NPHP4: variants seen among roughly 807,000 people sequenced by gnomAD.
The protein encoded by NPHP4 is nephrocystin-4.
In NPHP4, 151 loss-of-function variants were observed where a neutral mutation model predicts 155.8. The observed-to-expected ratio is 0.97, with a 90% CI of 0.85 to 1.11. The LOEUF is 1.11. NPHP4 is among the 50% of genes least tolerant of loss of function. NPHP4 has a pLI of 0.00. For missense variants in NPHP4, 1,956 were observed against 1,925.7 expected, an observed-to-expected ratio of 1.02 and a Z score of -0.29; for synonymous variants, 845 against 816.8, an observed-to-expected ratio of 1.03 and a Z score of -0.59.
intron 23 of NPHP4, among the ~76,000 whole-genome samples, chr1:5,869,695 T>C (rs1357659874): frequency 4.6e-5 from 7 of 152,226 alleles, no homozygotes; most frequent in African/African-American, 1.4e-4. Context: ...TTGGTACTGA[T>C]GTTTTGAAAT....
chr1:5,950,057 G>A (rs1050665253), intron 7 of NPHP4, among the ~76,000 whole-genome samples: 2 of 152,150 alleles, frequency 1.3e-5, no homozygotes, highest in Non-Finnish European at 2.9e-5. Flanking sequence ...CTCTCATGGA[G>A]GCAGATGTTT....
intron 3 of NPHP4, among the ~76,000 whole-genome samples, chr1:5,977,807 CACTTTACTAAATCTTAGTTTGTCTATA>C (rs1653913571): frequency 1.3e-5 from 1 of 77,160 alleles, no homozygotes; most frequent in East Asian, 3.6e-4. Context: ...CTGGGCAAGT[CACTTTACTAAATCTTAGTTTGTCTATA>C]CAGGAGGGAG....
chr1:5,941,289 C>CAAAAAAAAAAAAAAAAAAAAAAAAAAAA (rs66676950), intron 9 of NPHP4, among the ~76,000 whole-genome samples: 1 of 44,778 alleles, frequency 2.2e-5, no homozygotes, highest in Non-Finnish European at 3.7e-5. Context: ...GAGATCTAGA[C>CAAAAAAAAAAAAAAAAAAAAAAAAAAAA]AAAAAAAAAA....
At chr1:5,955,413 T>C (rs1227606834) in intron 6 of NPHP4, among the ~76,000 whole-genome samples, 1 of 152,212 alleles carries the variant, frequency 6.6e-6, no homozygotes, top group African/African-American at 2.4e-5. Flanking sequence ...GAAATCAGTA[T>C]GTCAAAGAGA....
Position 5,947,218 on chromosome 1 carries a change from T to C in NPHP4, c.1005A>G (p.Gln335=), listed in dbSNP as rs398124287. 6 of 1,613,646 alleles carry C rather than the reference T, an allele frequency of 3.7e-6. No individual in the cohort carries two copies. The African/African-American group carries it at 8.0e-5, about 22-fold the overall frequency. ...GGAGGCGGCTTCTCAAAACCAGAGC[T>C]TGGCTCCCGGAGCTGGGTCAGAAAC... ...VSSSKTSSGS[Q]ALVLRSRLRL... Residue 335 remains glutamine (Q), a synonymous_variant, in exon 9 of 30, where the codon CAA becomes CAG. Coordinates refer to ENST00000378156, the MANE Select transcript of NPHP4 (RefSeq NM_015102.5).
chr1:5,975,044 T>C (rs1653287089), intron 3 of NPHP4, among the ~76,000 whole-genome samples: 1 of 152,180 alleles, frequency 6.6e-6, no homozygotes, highest in Admixed American at 6.5e-5. Flanking sequence ...AAGGGTGTTT[T>C]ACGAACCTCT....
chr1:5,874,712 G>A (rs1191591855), intron 21 of NPHP4, 55 bp from the exon 22 acceptor site: 4 of 1,575,012 alleles, frequency 2.5e-6, no homozygotes, highest in South Asian at 2.3e-5. Flanking sequence ...GGACCCACAG[G>A]AGGCTGCGGT....
intron 10 of NPHP4, among the ~76,000 whole-genome samples, chr1:5,930,827 T>C (rs1646235986): frequency 1.3e-5 from 2 of 152,244 alleles, no homozygotes; most frequent in Non-Finnish European, 2.9e-5. Flanking sequence ...TCATTGCTGA[T>C]GGAATAGCTA....
rs1378656527 is a variant in NPHP4 at position 5,875,021 on chromosome 1, C to T, written c.2897G>A (p.Ser966Asn). The T allele has an allele frequency of 6.2e-7, 1 of 1,610,998 alleles. No homozygotes were observed. Among genetic ancestry groups the T allele is most frequent in the Non-Finnish European group, 8.5e-7 (1 of 1,179,872 alleles). ...AAYRERTKAESIASLLSLAIT... is the reference protein window; with the variant it reads ...AAYRERTKAENIASLLSLAIT... ...GGCCAGGCTCAGCAGGCTGGCGATG[C>T]TCTCGGCCTTCGTGCGTTCCCGGTA... is the stretch of plus-strand genomic sequence containing the variant. Residue 966 changes from serine to asparagine, a missense_variant, in exon 21 of 30, where the codon AGC (serine) becomes AAC (asparagine). By Grantham distance (46) the Ser-to-Asn change is conservative. Coordinates refer to ENST00000378156, the MANE Select transcript of NPHP4 (RefSeq NM_015102.5).
At chr1:5,973,549 T>C (rs1478587289) in intron 3 of NPHP4, among the ~76,000 whole-genome samples, 1 of 152,138 alleles carries the variant, frequency 6.6e-6, no homozygotes, top group Non-Finnish European at 1.5e-5. Context: ...ATCGCACCAT[T>C]GCACTCCAGC....
rs138092547 is a variant in NPHP4 at position 5,880,784 on chromosome 1, T to C, written c.2486-545A>G. Reference sequence around the variant, plus strand: ...CTCACGGCCGGTGGGTGTGGCACCCTACAAACTTGCAACTTGCAAACCTGA... The same window carrying C: ...CTCACGGCCGGTGGGTGTGGCACCCCACAAACTTGCAACTTGCAAACCTGA... On this transcript the variant is annotated intron_variant, in intron 18 of 29. Coordinates refer to ENST00000378156, the MANE Select transcript of NPHP4 (RefSeq NM_015102.5). 3.5e-3 allele frequency: 548 copies of C among 158,314 alleles called. 4 individuals carry two copies. Among genetic ancestry groups the C allele is most frequent in the African/African-American group, 0.013 (527 of 41,700 alleles). The allele number at this position is 158,314 out of a possible 1,614,324, so 9.8% of individuals were successfully genotyped here.
chr1:5,933,401 G>A (rs1295858233), intron 9 of NPHP4, 72 bp from the exon 10 acceptor site: 3 of 1,237,562 alleles, frequency 2.4e-6, no homozygotes, highest in Non-Finnish European at 3.5e-6. Flanking sequence ...AATCAACAGT[G>A]CTTTCATGTG....
rs915125531 is a variant in NPHP4, at chr1:5,867,623, G to A, written c.3472+117C>T. 4.7e-6 allele frequency: 5 copies of A among 1,062,386 alleles called. No homozygotes were observed. In the African/African-American group the frequency reaches 6.2e-5, roughly 13 times the overall value. 65.8% of individuals were successfully genotyped at this position (1,062,386 alleles called of 1,614,324 possible). A position where few individuals can be genotyped will look rare whatever the true frequency, so the allele number is the denominator to read the frequency against. ...AGAGAGAATTCCCCAGGCCCCACGT[G>A]CTGCTCTGACAGCACCAGGGCATGA... On this transcript the variant is annotated intron_variant, in intron 24 of 29. Transcript: ENST00000378156. This position sits in a 1 kb window ranked among gnomAD's most constrained non-coding sequence, Gnocchi z 4.1.
At chr1:5,906,850 T>C (rs1224329238) in intron 13 of NPHP4, among the ~76,000 whole-genome samples, 1 of 152,228 alleles carries the variant, frequency 6.6e-6, no homozygotes, top group Admixed American at 6.5e-5. Flanking sequence ...AGCTTAACTT[T>C]GTTTTCATGG....
rs116370911 is a variant in NPHP4, at chr1:5,977,909, G to A, written c.279+361C>T. Among the ~76,000 whole-genome samples the A allele has an allele frequency of 1.0e-2, 146 of 14,662 alleles. 1 individual carries two copies. The highest frequency in any genetic ancestry group is 0.021 in the Middle Eastern group (1 of 48). 9.6% of individuals were successfully genotyped at this position (14,662 alleles called of 152,430 possible). On this transcript the variant is annotated intron_variant, in intron 3 of 29. Transcript: ENST00000378156. ...GGGGGAGGGGAGGGGGAAGGAGAGG[G>A]GAGGGGAGAGGAGGAGAGGGAGCAG...
chr1:5,875,267 C>T (rs1021168703), intron 20 of NPHP4, among the ~76,000 whole-genome samples, 167 bp from the exon 21 acceptor site: 2 of 152,186 alleles, frequency 1.3e-5, no homozygotes, highest in Admixed American at 1.3e-4. Context: ...AACTGGCCGG[C>T]CCCGCCCAGG....
At chr1:5,934,895 G>A (rs189423634) in intron 9 of NPHP4, among the ~76,000 whole-genome samples, 27 of 152,278 alleles carry the variant, frequency 1.8e-4, no homozygotes, top group Non-Finnish European at 3.2e-4. Context: ...TGGTGGCCAG[G>A]GGTCCTAAGG....
chr1:5,877,180 G>A lies in NPHP4; in HGVS notation c.2730C>T (p.Ala910=). 1 of 1,605,194 alleles carries A rather than the reference G, an allele frequency of 6.2e-7. No homozygotes were observed. Among genetic ancestry groups the A allele is most frequent in the South Asian group, 1.1e-5 (1 of 89,590 alleles). Reference sequence around the variant, plus strand: ...TCCGCTCCAGCTTACGCCTGCGGGTGGCATCCGACTCGCGGCTGACGTCCT... The same window carrying A: ...TCCGCTCCAGCTTACGCCTGCGGGTAGCATCCGACTCGCGGCTGACGTCCT... ...GPQDVSRESD[A]TRRRKLERMR... Residue 910 remains alanine (A), a synonymous_variant, in exon 20 of 30, where the codon GCC becomes GCT. Coordinates refer to ENST00000378156, the MANE Select transcript of NPHP4 (RefSeq NM_015102.5).
intron 16 of NPHP4, among the ~76,000 whole-genome samples, chr1:5,895,194 A>C (rs1644332844): frequency 2.8e-5 from 4 of 142,126 alleles, no homozygotes; most frequent in Non-Finnish European, 3.1e-5. Flanking sequence ...GGGTGGGGGA[A>C]GGGGGGAGGG....
Sources: gnomAD v4.1 joint callset for allele counts (sites outside exome capture counted in the v4.1 genomes callset) on GRCh38, gnomAD v4.1.1 for gene constraint, Gnocchi (gnomAD v3.1) non-coding constraint, MANE v1.5 for transcripts, NCBI Gene and HGNC (gene_info 2026-07-23, HGNC 2026-07-21) for gene names.